Variants in ITGB5 observed in about 807,000 individuals in gnomAD.
The protein encoded by ITGB5 is integrin beta-5.
A neutral mutation model predicts 84.8 loss-of-function variants in ITGB5; 38 were observed. The observed-to-expected ratio is 0.45, with a 90% CI of 0.35 to 0.59. The LOEUF (loss-of-function observed/expected upper bound fraction) is 0.59. Ranked by LOEUF, ITGB5 falls within the 20% of genes least tolerant of loss-of-function variation. ITGB5 has a pLI of 0.01. For missense variants in ITGB5, 905 were observed against 1,034.5 expected (o/e 0.87, Z 1.72); for synonymous variants, 393 against 414.4 (o/e 0.95, Z 0.63).
intron 8 of ITGB5, 24 bp from the exon 9 acceptor site, chr3:124,809,180 C>A (rs936987139): frequency 6.2e-7 from 1 of 1,613,162 alleles, no homozygotes; most frequent in Non-Finnish European, 8.5e-7. Context: ...GAAAATGAAG[C>A]CCAACCATTT....
intron 11 of ITGB5, among the ~76,000 whole-genome samples, chr3:124,772,899 C>CGAA: frequency 6.6e-6 from 1 of 150,516 alleles, no homozygotes. Context: ...GGGTGCCTTT[C>CGAA]TCTCCAATTT....
At chr3:124,786,165 CATG>C (rs561415534) in intron 10 of ITGB5, among the ~76,000 whole-genome samples, 72 of 152,280 alleles carry the variant, frequency 4.7e-4, no homozygotes, top group African/African-American at 1.6e-3. Context: ...AGGGCTTGCT[CATG>C]ATGAGTGCAA....
intron 2 of ITGB5, among the ~76,000 whole-genome samples, chr3:124,860,834 G>C (rs1453548339): frequency 1.3e-5 from 2 of 152,212 alleles, no homozygotes; most frequent in Non-Finnish European, 1.5e-5. Context: ...AAAATCAGAG[G>C]AATGCACCCT....
intron 1 of ITGB5, among the ~76,000 whole-genome samples, chr3:124,875,525 A>G (rs1288272096): frequency 1.3e-5 from 2 of 151,446 alleles, no homozygotes; most frequent in African/African-American, 4.8e-5. Flanking sequence ...AAGAATGTGG[A>G]TAAAAGGGAA....
upstream of ITGB5, among the ~76,000 whole-genome samples, chr3:124,891,943 A>C (rs895429456): frequency 2.0e-5 from 3 of 152,004 alleles, no homozygotes; most frequent in Non-Finnish European, 4.4e-5. Context: ...AAAAATAAAA[A>C]ATGAAAAAGA....
chr3:124,813,533 C>T (rs1336918748), intron 8 of ITGB5, among the ~76,000 whole-genome samples: 1 of 152,202 alleles, frequency 6.6e-6, no homozygotes, highest in South Asian at 2.1e-4. Flanking sequence ...ATTCCCATGA[C>T]CCCTCTCCTT....
intron 5 of ITGB5, among the ~76,000 whole-genome samples, chr3:124,838,117 CTGG>C (rs1445460201): frequency 6.6e-6 from 1 of 151,596 alleles, no homozygotes; most frequent in African/African-American, 2.4e-5. Flanking sequence ...TGCAACAAGA[CTGG>C]TCATGAGTTA....
chr3:124,887,693 A>G (rs1246715347), upstream of ITGB5: 1 of 453,338 alleles, frequency 2.2e-6, no homozygotes, highest in Non-Finnish European at 4.4e-6. Flanking sequence ...ACGCTGTATT[A>G]GGCGAGCCGA....
chr3:124,797,808 A>G (rs1358700161), intron 9 of ITGB5, among the ~76,000 whole-genome samples: 1 of 152,218 alleles, frequency 6.6e-6, no homozygotes, highest in East Asian at 1.9e-4. Context: ...ATTCTATGAA[A>G]ACGCACAGAC....
intron 11 of ITGB5, among the ~76,000 whole-genome samples, chr3:124,771,838 AATT>A (rs1368002899): frequency 6.6e-6 from 1 of 152,050 alleles, no homozygotes; most frequent in African/African-American, 2.4e-5. Flanking sequence ...ATGAATAATA[AATT>A]ATTAAGTCTA....
upstream of ITGB5, among the ~76,000 whole-genome samples, chr3:124,892,671 G>A (rs1463819295): frequency 1.4e-5 from 2 of 147,846 alleles, no homozygotes; most frequent in Admixed American, 6.8e-5. Flanking sequence ...CTCCAGCCTG[G>A]GTGACAGAGG....
chr3:124,789,422 C>T (rs4677944), intron 10 of ITGB5, among the ~76,000 whole-genome samples: 26,556 of 132,880 alleles, frequency 0.2, 1,454 homozygotes, highest in African/African-American at 0.3. Flanking sequence ...AGAACCGCCT[C>T]TGACTAGACA....
chr3:124,887,644 G>T (rs1006107981), upstream of ITGB5: 8 of 446,242 alleles, frequency 1.8e-5, no homozygotes, highest in Admixed American at 4.8e-5. Context: ...GCCCGCTCCC[G>T]TTGCTTAGCC....
intron 9 of ITGB5, among the ~76,000 whole-genome samples, chr3:124,802,529 G>A (rs2064331733): frequency 1.3e-5 from 2 of 152,210 alleles, no homozygotes; most frequent in African/African-American, 2.4e-5. Flanking sequence ...TCAACTCCCC[G>A]TGCCAGGGCC....
intron 9 of ITGB5, among the ~76,000 whole-genome samples, chr3:124,799,056 G>A (rs1027393835): frequency 6.6e-6 from 1 of 152,166 alleles, no homozygotes; most frequent in African/African-American, 2.4e-5. Flanking sequence ...GAAGACACTC[G>A]GGGGACCAGG....
intron 9 of ITGB5, among the ~76,000 whole-genome samples, chr3:124,802,908 G>A (rs2064337928): frequency 6.6e-6 from 1 of 151,372 alleles, no homozygotes. Flanking sequence ...CCCTCGGACA[G>A]CAAGACAACA....
At chr3:124,763,812 C>T (rs1305998078) in intron 14 of ITGB5, 94 bp from the exon 15 acceptor site, 1 of 699,350 alleles carries the variant, frequency 1.4e-6, no homozygotes, top group East Asian at 2.7e-5. Context: ...CCCAGGTCAG[C>T]CCCCTGCGAC....
At chr3:124,845,112 A>G (rs2065059801) in intron 4 of ITGB5, among the ~76,000 whole-genome samples, 1 of 152,232 alleles carries the variant, frequency 6.6e-6, no homozygotes, top group South Asian at 2.1e-4. Flanking sequence ...AAGGATCCAC[A>G]ATTCAAGAAA....
intron 2 of ITGB5, among the ~76,000 whole-genome samples, chr3:124,866,808 T>C (rs2065398311): frequency 1.3e-5 from 2 of 152,152 alleles, no homozygotes; most frequent in Non-Finnish European, 1.5e-5. Flanking sequence ...ATGTGTGTTG[T>C]GTGCCAGCAA....
Sources: gnomAD v4.1 joint callset for allele counts (sites outside exome capture counted in the v4.1 genomes callset) on GRCh38, gnomAD v4.1.1 for gene constraint, MANE v1.5 for transcripts, NCBI Gene and HGNC (gene_info 2026-07-23, HGNC 2026-07-21) for gene names.